ADAMTS2: variants seen among roughly 807,000 people sequenced by gnomAD.
The protein encoded by ADAMTS2 is ADAM metallopeptidase with thrombospondin type 1 motif 2.
In ADAMTS2, 50 loss-of-function variants were observed where a neutral mutation model predicts 123.0. The ratio of observed to expected loss-of-function variants is 0.41; its 90% CI spans 0.32 to 0.51. The LOEUF is 0.51. ADAMTS2 is among the 20% of genes least tolerant of loss of function. The pLI is 0.35. For synonymous variants in ADAMTS2, 678 were observed against 695.4 expected (o/e 0.98, Z 0.39); for missense variants, 1,494 against 1,705.2 (o/e 0.88, Z 2.18).
At chr5:179,223,672 A>G (rs1765200464) in intron 3 of ADAMTS2, among the ~76,000 whole-genome samples, 1 of 143,498 alleles carries the variant, frequency 7.0e-6, no homozygotes. Context: ...ACACTCACAC[A>G]TGAATGCACT....
chr5:179,135,078 C>G (rs1388067364), intron 13 of ADAMTS2, among the ~76,000 whole-genome samples: 4 of 92,954 alleles, frequency 4.3e-5, no homozygotes, highest in Admixed American at 2.3e-4. Flanking sequence ...GGGTCCAGCT[C>G]CCGGCTCCAG....
chr5:179,177,392 T>C (rs560122240), intron 5 of ADAMTS2, among the ~76,000 whole-genome samples: 8 of 152,350 alleles, frequency 5.3e-5, no homozygotes, highest in African/African-American at 1.7e-4. Flanking sequence ...ACCTTTGGCA[T>C]CTTTGGGTAT....
intron 2 of ADAMTS2, among the ~76,000 whole-genome samples, chr5:179,328,189 C>A (rs1015663704): frequency 4.6e-5 from 7 of 152,176 alleles, no homozygotes; most frequent in Non-Finnish European, 8.8e-5. Context: ...CGCACCACCA[C>A]GCCCGGCTAA....
intron 3 of ADAMTS2, among the ~76,000 whole-genome samples, chr5:179,261,221 A>G (rs1200617999): frequency 6.6e-6 from 1 of 152,236 alleles, no homozygotes; most frequent in Non-Finnish European, 1.5e-5. Flanking sequence ...AGACATGCAG[A>G]GTAATCAAAC....
At chr5:179,145,210 A>G (rs1217753336) in intron 10 of ADAMTS2, among the ~76,000 whole-genome samples, 1 of 152,218 alleles carries the variant, frequency 6.6e-6, no homozygotes, top group Non-Finnish European at 1.5e-5. Context: ...CACATGCACT[A>G]GGATTGGTAT....
intron 2 of ADAMTS2, among the ~76,000 whole-genome samples, chr5:179,333,661 G>A (rs574589016): frequency 1.6e-4 from 23 of 145,428 alleles, no homozygotes; most frequent in South Asian, 4.5e-4. Flanking sequence ...GTGCAGTGGC[G>A]CAATTTCAGC....
chr5:179,156,811 C>T (rs1170927366), intron 6 of ADAMTS2, among the ~76,000 whole-genome samples: 1 of 152,100 alleles, frequency 6.6e-6, no homozygotes, highest in Non-Finnish European at 1.5e-5. Flanking sequence ...CTTTTCTTGT[C>T]TCTAAATTAT....
At chr5:179,186,397 G>C (rs1764170893) in intron 4 of ADAMTS2, among the ~76,000 whole-genome samples, 1 of 152,214 alleles carries the variant, frequency 6.6e-6, no homozygotes, top group African/African-American at 2.4e-5. Flanking sequence ...ACAGACATGG[G>C]GGGCAGGCAG....
chr5:179,319,338 A>G (rs572154102), intron 2 of ADAMTS2, among the ~76,000 whole-genome samples: 1 of 152,258 alleles, frequency 6.6e-6, no homozygotes, highest in Non-Finnish European at 1.5e-5. Context: ...ACCCACACAT[A>G]CACATGTGCA....
chr5:179,164,357 G>A lies in ADAMTS2; in HGVS notation c.976-5478C>T, dbSNP rs115130942. ...TCTTAAAACAGCCCTTTGGGTCAGT[G>A]AGGAAGGAGTGGGGATAGAAGGGGA... On this transcript the variant is annotated intron_variant, in intron 5 of 21. Coordinates refer to ENST00000251582, the MANE Select transcript of ADAMTS2 (RefSeq NM_014244.5). Among the ~76,000 whole-genome samples, 633 of 152,338 alleles carry A rather than the reference G, an allele frequency of 4.2e-3. 4 individuals carry two copies. The highest frequency in any genetic ancestry group is 5.7e-3 in the Non-Finnish European group (387 of 68,024).
Position 179,186,182 on chromosome 5 carries a change from G to T in ADAMTS2, c.892-5027C>A, listed in dbSNP as rs1454037635. 3.9e-5 allele frequency among the ~76,000 whole-genome samples: 6 copies of T among 152,212 alleles called. No individual in the cohort carries two copies. In the East Asian group the frequency reaches 1.2e-3, roughly 30 times the overall value. On this transcript the variant is annotated intron_variant, in intron 4 of 21. Coordinates refer to ENST00000251582, the MANE Select transcript of ADAMTS2 (RefSeq NM_014244.5). ...ATCCTGCTCCGGAGCCCTCAACTTG[G>T]CCCCCTCCCAGGCCAGGTCTCAGCA... is the stretch of plus-strand genomic sequence containing the variant.
intron 5 of ADAMTS2, among the ~76,000 whole-genome samples, chr5:179,168,869 G>A (rs7735461): frequency 0.56 from 84,822 of 152,092 alleles, 24,488 homozygotes; most frequent in African/African-American, 0.66. Flanking sequence ...AGAGAACCAC[G>A]AGAGCTGGGG....
At chr5:179,243,689 A>T (rs1400854532) in intron 3 of ADAMTS2, among the ~76,000 whole-genome samples, 1 of 152,250 alleles carries the variant, frequency 6.6e-6, no homozygotes, top group Non-Finnish European at 1.5e-5. Context: ...CACTGCTGGT[A>T]AGAAAGCCCA....
chr5:179,337,679 C>T (rs1054875610), intron 2 of ADAMTS2, among the ~76,000 whole-genome samples: 1 of 152,238 alleles, frequency 6.6e-6, no homozygotes, highest in Non-Finnish European at 1.5e-5. Context: ...ACACTTGCCT[C>T]TTTGGGTCTT....
intron 17 of ADAMTS2, 140 bp downstream of exon 17, chr5:179,127,819 T>G: frequency 1.8e-6 from 2 of 1,094,996 alleles, no homozygotes; most frequent in Non-Finnish European, 2.7e-6. Flanking sequence ...CCATTGCCGC[T>G]AAGCCCTTGC....
At chr5:179,232,594 A>T (rs540724371) in intron 3 of ADAMTS2, among the ~76,000 whole-genome samples, 1 of 152,176 alleles carries the variant, frequency 6.6e-6, no homozygotes, top group Admixed American at 6.5e-5. Context: ...GCAAATCACT[A>T]TAAGTTTATT....
At chr5:179,165,783 A>G (rs1763685615) in intron 5 of ADAMTS2, among the ~76,000 whole-genome samples, 1 of 152,166 alleles carries the variant, frequency 6.6e-6, no homozygotes, top group African/African-American at 2.4e-5. Flanking sequence ...AGCAGCTCCC[A>G]GAACTCCCAG....
At chr5:179,232,793 T>A (rs189933539) in intron 3 of ADAMTS2, among the ~76,000 whole-genome samples, 2 of 151,932 alleles carry the variant, frequency 1.3e-5, no homozygotes, top group African/African-American at 4.8e-5. Context: ...TTTTTTTTAA[T>A]AAAGGGCTGT....
intron 3 of ADAMTS2, among the ~76,000 whole-genome samples, chr5:179,229,593 C>T (rs917814766): frequency 6.6e-5 from 10 of 152,186 alleles, no homozygotes; most frequent in African/African-American, 2.4e-4. Flanking sequence ...TTGTAGGGGT[C>T]CTGCCCCACT....
Sources: allele counts gnomAD v4.1 joint callset (sites outside exome capture counted in the v4.1 genomes callset), GRCh38; gene constraint gnomAD v4.1.1; transcripts MANE v1.5; gene names NCBI Gene and HGNC (gene_info 2026-07-23, HGNC 2026-07-21).